Variants in DDX54 observed in about 807,000 individuals in gnomAD.
The protein encoded by DDX54 is DEAD-box helicase 54.
A neutral mutation model predicts 105.5 loss-of-function variants in DDX54; 67 were observed. The ratio of observed to expected loss-of-function variants is 0.64; its 90% confidence interval spans 0.52 to 0.78. The LOEUF (loss-of-function observed/expected upper bound fraction) is 0.78. Among genes scored for constraint, DDX54 ranks in the 30% least tolerant of loss-of-function variants. The pLI, the probability that DDX54 is intolerant of heterozygous loss-of-function variation, is 0.00. For missense variants in DDX54, 1,206 were observed against 1,230.5 expected, an observed-to-expected ratio of 0.98 and a Z score of 0.30; for synonymous variants, 514 against 509.9, an observed-to-expected ratio of 1.01 and a Z score of -0.11.
At chr12:113,175,008 C>G (rs1714750090) in intron 8 of DDX54, 28 bp downstream of exon 8, 1 of 1,612,554 alleles carries the variant, frequency 6.2e-7, no homozygotes, top group Non-Finnish European at 8.5e-7. Flanking sequence ...TGACCCCCAG[C>G]CCCCATCTCC....
At chr12:113,183,872 C>T (rs905094453) in intron 1 of DDX54, 2 of 151,942 alleles carry the variant, frequency 1.3e-5, no homozygotes, top group Non-Finnish European at 2.9e-5. Flanking sequence ...CTGTACTCTC[C>T]GCCGCCCAGG....
chr12:113,170,972 T>C (rs146226875), intron 11 of DDX54, among the ~76,000 whole-genome samples: 1 of 152,322 alleles, frequency 6.6e-6, no homozygotes, highest in Admixed American at 6.5e-5. Flanking sequence ...TACATAGCAT[T>C]ATATTTTGGT....
chr12:113,180,885 C>T (rs1952457881), intron 2 of DDX54, 44 bp downstream of exon 2: 1 of 1,610,136 alleles, frequency 6.2e-7, no homozygotes, highest in Admixed American at 1.7e-5. Flanking sequence ...GGTTGACCTC[C>T]AGCTGCCACT....
In DDX54 at chr12:113,157,565, T is replaced by C. The variant is rs1952144992; in HGVS notation, c.*1312A>G. On this transcript the variant is annotated 3_prime_UTR_variant, in exon 20 of 20. Transcript: ENST00000306014. ...AGGGGTGGGGGCTGGACAGTGACTC[T>C]GGGGCTGGGATGTGACTTCGTGCTG... is the stretch of plus-strand genomic sequence containing the variant. The C allele has an allele frequency of 6.5e-7, 1 of 1,540,406 alleles. No individual in the cohort carries two copies.
chr12:113,162,071 C>A, intron 17 of DDX54, 74 bp from the exon 18 acceptor site: 1 of 1,372,938 alleles, frequency 7.3e-7, no homozygotes, highest in East Asian at 2.3e-5. Context: ...TGGGGCCTGT[C>A]TCCTCACCCG....
rs556923053 is a variant in DDX54 at position 113,163,714 on chromosome 12, C to A, written c.1938+353G>T. On this transcript the variant is annotated intron_variant, in intron 15 of 19. Coordinates refer to ENST00000306014, the MANE Select transcript of DDX54 (RefSeq NM_024072.4). The surrounding 1 kb of genome is among the most constrained non-coding windows in gnomAD (Gnocchi z 5.9). ...CATGAGAGAGGGACATCCTGGGGGA[C>A]GCACAGGCCCAGGACCCACCCACCA... is the stretch of plus-strand genomic sequence containing the variant. Among the ~76,000 whole-genome samples, 1 of 152,138 alleles carries A rather than the reference C, an allele frequency of 6.6e-6. No homozygotes were observed. The highest frequency in any genetic ancestry group is 1.5e-5 in the Non-Finnish European group (1 of 68,016).
At chr12:113,171,929 C>T (rs1454517142) in intron 11 of DDX54, among the ~76,000 whole-genome samples, 1 of 152,136 alleles carries the variant, frequency 6.6e-6, no homozygotes, top group African/African-American at 2.4e-5. Context: ...GCTCAGCCAG[C>T]CTGCCTTGAG....
intron 1 of DDX54, among the ~76,000 whole-genome samples, chr12:113,184,451 T>A (rs1021240087): frequency 2.6e-5 from 4 of 152,184 alleles, no homozygotes; most frequent in Non-Finnish European, 5.9e-5. Context: ...CAGTTGCTGG[T>A]GGTGTTAGCA....
chr12:113,157,974 G>C lies in DDX54; in HGVS notation c.*903C>G, dbSNP rs552504925. On this transcript the variant is annotated 3_prime_UTR_variant, in exon 20 of 20. Transcript: ENST00000306014. ...AGGCCCTCCCTGCCAGGGTGGTTGG[G>C]GCATGAAAAAAAACTCTTTGTCAGG... is the stretch of plus-strand genomic sequence containing the variant. The C allele has an allele frequency of 2.2e-6, 1 of 447,372 alleles. No individual in the cohort carries two copies. The highest frequency in any genetic ancestry group is 3.4e-5 in the Admixed American group (1 of 29,160). 27.7% of individuals were successfully genotyped at this position (447,372 alleles called of 1,614,324 possible).
Position 113,163,443 on chromosome 12 carries a change from C to T in DDX54, c.1939-169G>A, listed in dbSNP as rs891291242. Among the ~76,000 whole-genome samples the T allele has an allele frequency of 1.3e-5, 2 of 152,138 alleles. No homozygotes were observed. The highest frequency in any genetic ancestry group is 4.8e-5 in the African/African-American group (2 of 41,416). On this transcript the variant is annotated intron_variant, in intron 15 of 19. Coordinates refer to ENST00000306014, the MANE Select transcript of DDX54 (RefSeq NM_024072.4). The surrounding 1 kb of genome is among the most constrained non-coding windows in gnomAD (Gnocchi z 5.9). The stretch of plus-strand genomic sequence containing the variant: ...CTGGGTGACAGTGTCTCCTGTGGGA[C>T]CCTCAGTTTCCTCATCTGCACACAC...
In DDX54 at chr12:113,157,599, C is replaced by G. The variant is rs570675069; in HGVS notation, c.*1278G>C. The G allele has an allele frequency of 1.4e-5, 21 of 1,551,638 alleles. No individual in the cohort carries two copies. Among genetic ancestry groups the G allele is most frequent in the Non-Finnish European group, 1.8e-5 (21 of 1,146,950 alleles). ...GATGTGACTTCGTGCTGGGCCCCCC[C>G]AGGTGAAGCTGTTCATGCAGGACCT... On this transcript the variant is annotated 3_prime_UTR_variant, in exon 20 of 20. Coordinates refer to ENST00000306014, the MANE Select transcript of DDX54 (RefSeq NM_024072.4).
intron 12 of DDX54, among the ~76,000 whole-genome samples, chr12:113,169,446 G>A (rs925120046): frequency 6.6e-5 from 10 of 151,996 alleles, no homozygotes; most frequent in Admixed American, 5.2e-4. Context: ...GTGAAACCTT[G>A]TCTCTACTAA....
chr12:113,163,965 C>T lies in DDX54; in HGVS notation c.1938+102G>A. On this transcript the variant is annotated intron_variant, in intron 15 of 19. Coordinates refer to ENST00000306014, the MANE Select transcript of DDX54 (RefSeq NM_024072.4). This position sits in a 1 kb window ranked among gnomAD's most constrained non-coding sequence, Gnocchi z 5.9. ...ATGGGAAGCTGACTGCATCCACCTC[C>T]ATCCACTGCTCAAAGATCCTAGGAC... 1 of 1,440,942 alleles carries T rather than the reference C, an allele frequency of 6.9e-7. No individual in the cohort carries two copies. Among genetic ancestry groups the T allele is most frequent in the Non-Finnish European group, 9.1e-7 (1 of 1,097,352 alleles). 89.3% of individuals were successfully genotyped at this position (1,440,942 alleles called of 1,614,324 possible). A position where few individuals can be genotyped will look rare whatever the true frequency, so the allele number is the denominator to read the frequency against.
chr12:113,165,924 A>G lies in DDX54; in HGVS notation c.1523T>C (p.Leu508Pro), dbSNP rs1450413016. ...TLEASLELRG[L>P]ARVADNAQQQ... ...CTGGGCGTTATCAGCAACGCGGGCC[A>G]GGCCCCGTAGCTCCAGCGATGCCTC... Residue 508 changes from leucine to proline, a missense_variant, in exon 13 of 20, where the codon CTG becomes CCG. Physicochemically the swap from Leu to Pro is moderately conservative, Grantham distance 98. Around this residue, in one of 3 missense-constraint regions of DDX54, gnomAD observed 961 missense variants for 1,019.1 expected, o/e 0.94. Transcript: ENST00000306014. 5.6e-6 allele frequency: 9 copies of G among 1,613,664 alleles called. No individual in the cohort carries two copies. The highest frequency in any genetic ancestry group is 7.6e-6 in the Non-Finnish European group (9 of 1,180,036).
intron 12 of DDX54, among the ~76,000 whole-genome samples, chr12:113,169,532 A>C (rs1306422410): frequency 2.0e-5 from 3 of 151,418 alleles, no homozygotes; most frequent in Admixed American, 2.0e-4. Flanking sequence ...GAGGCAAGAG[A>C]ATGGCTTGAA....
rs186631858 is a variant in DDX54, at chr12:113,168,671, C to T, written c.1414+1099G>A. ...GGCGGCTGGGCACAGTGGCTCACGC[C>T]TGTAATTCCAGCACTTTGGGAGGCC... On this transcript the variant is annotated intron_variant, in intron 12 of 19. Transcript: ENST00000306014. Among the ~76,000 whole-genome samples, 537 of 152,090 alleles carry T rather than the reference C, an allele frequency of 3.5e-3. 3 individuals carry two copies. Among genetic ancestry groups the T allele is most frequent in the Non-Finnish European group, 5.6e-3 (380 of 67,982 alleles).
Position 113,180,488 on chromosome 12 carries a change from C to A in DDX54, c.304+441G>T, listed in dbSNP as rs1952453604. ...CCTCAAGTGATCCTACCTCTGCCTCCCCAAACGCTAAGATTACAGGCATGA... is the reference window on the plus strand; with the variant it reads ...CCTCAAGTGATCCTACCTCTGCCTCACCAAACGCTAAGATTACAGGCATGA... On this transcript the variant is annotated intron_variant, in intron 2 of 19. Transcript: ENST00000306014. Among the ~76,000 whole-genome samples, 4 of 152,118 alleles carry A rather than the reference C, an allele frequency of 2.6e-5. No homozygotes were observed. In the South Asian group the frequency reaches 8.3e-4, roughly 32 times the overall value.
At chr12:113,162,751 G>A (rs1157268897) in intron 17 of DDX54, 181 bp downstream of exon 17, 12 of 582,306 alleles carry the variant, frequency 2.1e-5, no homozygotes, top group Admixed American at 7.0e-5. Flanking sequence ...CACTCACCCT[G>A]GGCCTGGAGG....
At chr12:113,160,402 T>C (rs191824539) in intron 19 of DDX54, among the ~76,000 whole-genome samples, 2 of 152,336 alleles carry the variant, frequency 1.3e-5, no homozygotes, top group Admixed American at 6.5e-5. Flanking sequence ...GGTTCAGTCA[T>C]AGCCCTCATA....
Sources: allele counts gnomAD v4.1 joint callset (sites outside exome capture counted in the v4.1 genomes callset), GRCh38; gene constraint gnomAD v4.1.1; regional missense constraint gnomAD v4.1.1; non-coding constraint Gnocchi (gnomAD v3.1); transcripts MANE v1.5; gene names NCBI Gene and HGNC (gene_info 2026-07-23, HGNC 2026-07-21).